The following NIPBL variants were observed in gnomAD, a reference collection of about 807,000 sequenced individuals.
NIPBL encodes the protein nipped-B-like protein.
Under a neutral mutation model 321.8 loss-of-function variants are expected in NIPBL, and 19 were observed. The ratio of observed to expected loss-of-function variants is 0.06; its 90% confidence interval spans 0.04 to 0.09. The LOEUF (loss-of-function observed/expected upper bound fraction) is 0.09, where lower values mean the gene tolerates loss of function less well. Among genes scored for constraint, NIPBL ranks in the 10% least tolerant of loss-of-function variants. The probability of loss-of-function intolerance (pLI) is 1.00; values close to 1 mark genes in which losing one functional copy is unlikely to be tolerated. For missense variants in NIPBL, 2,210 were observed against 3,327.0 expected (o/e 0.66, Z 8.26); for synonymous variants, 1,106 against 1,114.1 (o/e 0.99, Z 0.14).
intron 3 of NIPBL, among the ~76,000 whole-genome samples, chr5:36,956,635 T>A (rs1002841162): frequency 7.1e-6 from 1 of 140,742 alleles, no homozygotes; most frequent in Non-Finnish European, 1.5e-5. Context: ...TTTTTTTTTT[T>A]TTTTTTTGAG....
rs74410799 is a variant in NIPBL, at chr5:36,881,044, C to T, written c.-80+3866C>T. Among the ~76,000 whole-genome samples the T allele has an allele frequency of 8.5e-4, 130 of 152,076 alleles. 1 individual carries two copies. The highest frequency in any genetic ancestry group is 6.5e-3 in the Admixed American group (99 of 15,276). ...GTGCTGACACTGACACCATTTGTTA[C>T]TTTTTCAATTATCTAAGTTCAAAGT... On this transcript the variant is annotated intron_variant, in intron 1 of 46. Coordinates refer to ENST00000282516, the MANE Select transcript of NIPBL (RefSeq NM_133433.4).
chr5:36,990,596 T>C (rs936464099), intron 10 of NIPBL, among the ~76,000 whole-genome samples: 2 of 152,196 alleles, frequency 1.3e-5, no homozygotes, highest in African/African-American at 4.8e-5. Context: ...GTGATATCTT[T>C]AGGAAATGTT....
rs147963155 is a variant in NIPBL, at chr5:36,971,958, C to T, written c.785C>T (p.Ser262Leu). The part of the protein sequence containing the change: ...HRLSSDDGDS[S>L]TMRNAASFPL... Reference sequence around the variant, plus strand: ...CTCTATTTTTAGGATGGAGATTCTTCAACAATGAGGAATGCTGCATCTTTT... The same window carrying T: ...CTCTATTTTTAGGATGGAGATTCTTTAACAATGAGGAATGCTGCATCTTTT... Residue 262 changes from serine (S) to leucine (L), a missense_variant, in exon 8 of 47, where the codon TCA (serine) becomes TTA (leucine). Coordinates refer to ENST00000282516, the MANE Select transcript of NIPBL (RefSeq NM_133433.4). 6.2e-7 allele frequency: 1 copy of T among 1,612,842 alleles called. No homozygotes were observed. Among genetic ancestry groups the T allele is most frequent in the Non-Finnish European group, 8.5e-7 (1 of 1,179,182 alleles).
intron 34 of NIPBL, among the ~76,000 whole-genome samples, chr5:37,042,899 G>GCACACACACACACACA (rs70976273): frequency 6.3e-4 from 92 of 144,898 alleles, no homozygotes; most frequent in Non-Finnish European, 1.2e-3. Flanking sequence ...ACACACGCGC[G>GCACACACACACACACA]CACACACACA....
intron 1 of NIPBL, among the ~76,000 whole-genome samples, chr5:36,925,555 C>A (rs1449620712): frequency 6.6e-6 from 1 of 152,056 alleles, no homozygotes; most frequent in Non-Finnish European, 1.5e-5. Flanking sequence ...CATGAGCCAC[C>A]GCGCCCAGCC....
intron 31 of NIPBL, among the ~76,000 whole-genome samples, chr5:37,026,867 A>G (rs1183367309): frequency 1.3e-5 from 2 of 151,798 alleles, no homozygotes; most frequent in African/African-American, 4.8e-5. Context: ...GCCTGTGAAT[A>G]GGCACTACAC....
intron 1 of NIPBL, among the ~76,000 whole-genome samples, chr5:36,889,351 T>C (rs1310471099): frequency 4.6e-5 from 7 of 152,146 alleles, no homozygotes; most frequent in African/African-American, 9.6e-5. Flanking sequence ...TGAACCCCCA[T>C]GTTCACTGCT....
chr5:36,988,150 G>A (rs468022), intron 10 of NIPBL, among the ~76,000 whole-genome samples: 20,460 of 152,054 alleles, frequency 0.13, 1,721 homozygotes, highest in East Asian at 0.31. Flanking sequence ...ATAGCTTTTA[G>A]TTAGTAATTG....
At position 36,996,427 on chromosome 5, in the gene NIPBL, C is replaced by T. The variant is rs184429058; in HGVS notation, c.3304+623C>T. On this transcript the variant is annotated intron_variant, in intron 11 of 46. Coordinates refer to ENST00000282516, the MANE Select transcript of NIPBL (RefSeq NM_133433.4). The surrounding 1 kb of genome is among the most constrained non-coding windows in gnomAD (Gnocchi z 5.0). ...GTTTGGACCTGGCTTCTCCTTTTTG[C>T]CCAGCTGTGTCCTGGAATTCCTCCC... is the stretch of plus-strand genomic sequence containing the variant. 7 of 456,536 alleles carry T rather than the reference C, an allele frequency of 1.5e-5. No individual in the cohort carries two copies. Among genetic ancestry groups the T allele is most frequent in the African/African-American group, 1.4e-4 (7 of 50,164 alleles). 28.3% of individuals were successfully genotyped at this position (456,536 alleles called of 1,614,324 possible).
chr5:37,030,918 CCT>C (rs1491144106), intron 32 of NIPBL, among the ~76,000 whole-genome samples: 1 of 125,338 alleles, frequency 8.0e-6, no homozygotes, highest in African/African-American at 3.1e-5. Context: ...CCATGTTTAG[CCT>C]TTTTTTTTTT....
At chr5:37,006,885 G>A (rs1275254085) in intron 17 of NIPBL, among the ~76,000 whole-genome samples, 1 of 151,876 alleles carries the variant, frequency 6.6e-6, no homozygotes, top group Non-Finnish European at 1.5e-5. Flanking sequence ...AAAATGGATT[G>A]ATTCAAGATA....
chr5:36,932,730 T>A (rs78750451), intron 1 of NIPBL, among the ~76,000 whole-genome samples: 1,736 of 151,836 alleles, frequency 0.011, 14 homozygotes, highest in Non-Finnish European at 0.021. Flanking sequence ...TTTACTGCCT[T>A]CTTTTGTGTT....
chr5:36,946,580 G>GTT (rs1739705032), intron 1 of NIPBL, among the ~76,000 whole-genome samples: 1 of 151,442 alleles, frequency 6.6e-6, no homozygotes, highest in African/African-American at 2.4e-5. Context: ...GTGTCTGTGT[G>GTT]TGTGTATATG....
intron 45 of NIPBL, among the ~76,000 whole-genome samples, chr5:37,062,381 A>AAT (rs963652543): frequency 6.6e-5 from 10 of 151,862 alleles, no homozygotes; most frequent in Admixed American, 2.0e-4. Context: ...GAGTAATGCC[A>AAT]ATATATATAT....
At chr5:37,062,405 C>T (rs1208376349) in intron 45 of NIPBL, among the ~76,000 whole-genome samples, 2 of 151,844 alleles carry the variant, frequency 1.3e-5, no homozygotes, top group African/African-American at 4.8e-5. Context: ...TAGATTTTCT[C>T]ACTTATCAAG....
At chr5:36,890,994 G>A (rs1746288731) in intron 1 of NIPBL, among the ~76,000 whole-genome samples, 1 of 152,166 alleles carries the variant, frequency 6.6e-6, no homozygotes, top group Middle Eastern at 3.4e-3. Flanking sequence ...GGCCGGGCAC[G>A]GTGGCTCACG....
At chr5:37,002,998 A>AT (rs926306524) in intron 15 of NIPBL, among the ~76,000 whole-genome samples, 1 of 151,386 alleles carries the variant, frequency 6.6e-6, no homozygotes, top group Non-Finnish European at 1.5e-5. Flanking sequence ...ATGGACTTTA[A>AT]TTTTTTCCAG....
intron 1 of NIPBL, among the ~76,000 whole-genome samples, chr5:36,923,168 TGG>T (rs879501330): frequency 4.9e-4 from 75 of 152,156 alleles, no homozygotes; most frequent in Non-Finnish European, 9.7e-4. Flanking sequence ...TAGCTGGGTG[TGG>T]TGGCGTGCAC....
At chr5:37,063,320 T>A (rs1313632394) in intron 45 of NIPBL, among the ~76,000 whole-genome samples, 1 of 152,234 alleles carries the variant, frequency 6.6e-6, no homozygotes, top group Non-Finnish European at 1.5e-5. Flanking sequence ...TTAAAAATAT[T>A]TTAGTTCTTA....
Sources: gnomAD v4.1 joint callset for allele counts (sites outside exome capture counted in the v4.1 genomes callset) on GRCh38, gnomAD v4.1.1 for gene constraint, Gnocchi (gnomAD v3.1) non-coding constraint, MANE v1.5 for transcripts, NCBI Gene and HGNC (gene_info 2026-07-23, HGNC 2026-07-21) for gene names.